ORMDL2: variants seen among roughly 807,000 people sequenced by gnomAD.
ORMDL2 encodes ORMDL sphingolipid biosynthesis regulator 2, also known as ORM1-like protein 2.
Under a neutral mutation model 13.5 loss-of-function variants are expected in ORMDL2, and 11 were observed. That is an observed-to-expected ratio of 0.82 (90% CI 0.51 to 1.35). The LOEUF is 1.35. Ranked by LOEUF, ORMDL2 falls within the 40% of genes most tolerant of loss-of-function variation. The pLI, the probability that ORMDL2 is intolerant of heterozygous loss-of-function variation, is 0.00. For missense variants in ORMDL2, 160 were observed against 191.1 expected (o/e 0.84, Z 0.96); for synonymous variants, 73 against 76.5 (o/e 0.95, Z 0.24).
rs769970940 is a variant in ORMDL2, at chr12:55,819,347, G to C, written c.180G>C (p.Thr60=). 3.7e-6 allele frequency: 6 copies of C among 1,613,586 alleles called. No individual in the cohort carries two copies. Among genetic ancestry groups the C allele is most frequent in the Non-Finnish European group, 5.1e-6 (6 of 1,179,800 alleles). ...GCCACCTTCCCTGTTCCCAGGCTAC[G>C]TATGTCTTCCTTCATACGGTGAAAG... The part of the protein sequence containing the change: ...TLTNVIHNLA[T]YVFLHTVKGT... Residue 60 remains threonine (T), a synonymous_variant, in exon 3 of 4, where the codon ACG becomes ACC. Coordinates refer to ENST00000243045, the MANE Select transcript of ORMDL2 (RefSeq NM_014182.5).
At position 55,819,077 on chromosome 12, in the gene ORMDL2, C is replaced by T. The variant is rs1880590241; in HGVS notation, c.78C>T (p.Tyr26=). 1 of 1,614,048 alleles carries T rather than the reference C, an allele frequency of 6.2e-7. No homozygotes were observed. The highest frequency in any genetic ancestry group is 8.5e-7 in the Non-Finnish European group (1 of 1,180,010). The part of the protein sequence containing the change: ...VMNSRGIWLA[Y]IILVGLLHMV... ...ATAGCCGAGGCATCTGGCTGGCCTA[C>T]ATCATCTTGGTAGGATTGCTGCATA... Residue 26 remains tyrosine (Y), a synonymous_variant, in exon 2 of 4, where the codon TAC becomes TAT. Coordinates refer to ENST00000243045, the MANE Select transcript of ORMDL2 (RefSeq NM_014182.5).
chr12:55,819,358 T>C lies in ORMDL2; in HGVS notation c.191T>C (p.Leu64Pro). Residue 64 changes from leucine (L) to proline (P), a missense_variant, in exon 3 of 4, where the codon CTT becomes CCT. Leu to Pro is a moderately conservative substitution (Grantham distance 98). Transcript: ENST00000243045. ...VIHNLATYVF[L>P]HTVKGTPFET... ...TGTTCCCAGGCTACGTATGTCTTCC[T>C]TCATACGGTGAAAGGGACACCCTTT... is the stretch of plus-strand genomic sequence containing the variant. 6.2e-7 allele frequency: 1 copy of C among 1,614,096 alleles called. No individual in the cohort carries two copies. The highest frequency in any genetic ancestry group is 8.5e-7 in the Non-Finnish European group (1 of 1,180,000).
chr12:55,819,483 C>G lies in ORMDL2; in HGVS notation c.316C>G (p.Pro106Ala), dbSNP rs759213683. The G allele has an allele frequency of 1.9e-6, 3 of 1,613,908 alleles. No homozygotes were observed. In the South Asian group the frequency reaches 3.3e-5, roughly 18 times the overall value. ...TTCCCGCAAGTTCCTCAGCATCTCT[C>G]CTATTGTGCTGTGAGTCTATGGGGG... is the stretch of plus-strand genomic sequence containing the variant. ...TSSRKFLSIS[P>A]IVLYLLASFY... The change falls in exon 3 of 4, where the codon CCT becomes GCT. Residue 106 changes from proline (P) to alanine (A), a missense_variant. Pro to Ala is a conservative substitution (Grantham distance 27, BLOSUM62 -1). Coordinates refer to ENST00000243045, the MANE Select transcript of ORMDL2 (RefSeq NM_014182.5).
At position 55,820,489 on chromosome 12, in the gene ORMDL2, A is replaced by G. The variant is rs569990100; in HGVS notation, c.*94A>G. 1.3e-4 allele frequency: 175 copies of G among 1,392,864 alleles called. 2 individuals are homozygous for G. The South Asian group carries it at 1.9e-3, about 15-fold the overall frequency. 86.3% of individuals were successfully genotyped at this position (1,392,864 alleles called of 1,614,324 possible). ...TCTCTTATTCTCCATACTGTCTTCTACACCTTTAAAGCCTGAGAACTATAC... is the reference window on the plus strand; with the variant it reads ...TCTCTTATTCTCCATACTGTCTTCTGCACCTTTAAAGCCTGAGAACTATAC... On this transcript the variant is annotated 3_prime_UTR_variant, in exon 4 of 4. Transcript: ENST00000243045.
At chr12:55,818,978 C>G in intron 1 of ORMDL2, 21 bp from the exon 2 acceptor site, 1 of 1,605,534 alleles carries the variant, frequency 6.2e-7, no homozygotes, top group Non-Finnish European at 8.5e-7. Context: ...GGACTCCTGC[C>G]TGATCCCCCA....
Position 55,820,375 on chromosome 12 carries a change from T to G in ORMDL2, c.442T>G (p.Phe148Val). Residue 148 changes from phenylalanine to valine, a missense_variant, in exon 4 of 4, where the codon TTT becomes GTT. Transcript: ENST00000243045. The stretch of plus-strand genomic sequence containing the variant: ...GCCCCAGTTCCATGGGGTTCGTGTC[T>G]TTGGCATCAACAAATACTGAGGGAT... ...KLPQFHGVRVFGINKY is the reference protein window; with the variant it reads ...KLPQFHGVRVVGINKY 1 of 1,614,224 alleles carries G rather than the reference T, an allele frequency of 6.2e-7. No homozygotes were observed. The highest frequency in any genetic ancestry group is 8.5e-7 in the Non-Finnish European group (1 of 1,180,036).
At chr12:55,818,136 G>T (rs746637911) in intron 1 of ORMDL2, 24 bp downstream of exon 1, 6 of 467,238 alleles carry the variant, frequency 1.3e-5, no homozygotes, top group African/African-American at 4.0e-5. Flanking sequence ...AGACTGTAAG[G>T]GTTGCTGAGG....
In ORMDL2 at chr12:55,819,322, G is replaced by A. The variant is rs777040902; in HGVS notation, c.175-20G>A. Reference sequence around the variant, plus strand: ...AAAACTACTTTCTGCCCCTCACACTGCCACCTTCCCTGTTCCCAGGCTACG... The same window carrying A: ...AAAACTACTTTCTGCCCCTCACACTACCACCTTCCCTGTTCCCAGGCTACG... On this transcript the variant is annotated intron_variant, in intron 2 of 3. Coordinates refer to ENST00000243045, the MANE Select transcript of ORMDL2 (RefSeq NM_014182.5). The A allele has an allele frequency of 3.7e-6, 6 of 1,607,144 alleles. No individual in the cohort carries two copies. The highest frequency in any genetic ancestry group is 5.1e-6 in the Non-Finnish European group (6 of 1,174,982).
rs775000634 is a variant in ORMDL2, at chr12:55,821,812, ACACCACTGCACTC to A, written c.*1420_*1432del. On this transcript the variant is annotated 3_prime_UTR_variant, in exon 4 of 4. Transcript: ENST00000243045. ...ACAGAGGTTGCAGTAAGCTGAGATCACACCACTGCACTCCAGCTGGGCAACAGAGCAAGACTCC... is the reference window on the plus strand; with the variant it reads ...ACAGAGGTTGCAGTAAGCTGAGATCACAGCTGGGCAACAGAGCAAGACTCC... 8 of 652,304 alleles carry A rather than the reference ACACCACTGCACTC, an allele frequency of 1.2e-5. No individual in the cohort carries two copies. Among genetic ancestry groups the A allele is most frequent in the Non-Finnish European group, 1.9e-5 (8 of 424,524 alleles). 40.4% of individuals were successfully genotyped at this position (652,304 alleles called of 1,614,324 possible). A position where few individuals can be genotyped will look rare whatever the true frequency, so the allele number is the denominator to read the frequency against.
Position 55,821,815 on chromosome 12 carries a change from C to T in ORMDL2, c.*1420C>T, listed in dbSNP as rs1435180819. On this transcript the variant is annotated 3_prime_UTR_variant, in exon 4 of 4. Coordinates refer to ENST00000243045, the MANE Select transcript of ORMDL2 (RefSeq NM_014182.5). The stretch of plus-strand genomic sequence containing the variant: ...GAGGTTGCAGTAAGCTGAGATCACA[C>T]CACTGCACTCCAGCTGGGCAACAGA... 1 of 702,430 alleles carries T rather than the reference C, an allele frequency of 1.4e-6. No individual in the cohort carries two copies. The highest frequency in any genetic ancestry group is 3.1e-5 in the East Asian group (1 of 32,366). 43.5% of individuals were successfully genotyped at this position (702,430 alleles called of 1,614,324 possible).
At chr12:55,819,740 A>G (rs1880616298) in intron 3 of ORMDL2, among the ~76,000 whole-genome samples, 1 of 152,232 alleles carries the variant, frequency 6.6e-6, no homozygotes, top group Non-Finnish European at 1.5e-5. Context: ...GATAAGTGCC[A>G]AATAAAACCA....
rs781344544 is a variant in ORMDL2 at position 55,820,423 on chromosome 12, G to C, written c.*28G>C. Reference sequence around the variant, plus strand: ...GATGGGTTTTGGGACAGCTCCATGGGCATGGGGAAGGCACTGAAACAGAGG... The same window carrying C: ...GATGGGTTTTGGGACAGCTCCATGGCCATGGGGAAGGCACTGAAACAGAGG... On this transcript the variant is annotated 3_prime_UTR_variant, in exon 4 of 4. Transcript: ENST00000243045. 5 of 1,612,798 alleles carry C rather than the reference G, an allele frequency of 3.1e-6. No homozygotes were observed. In the African/African-American group the frequency reaches 4.0e-5, roughly 13 times the overall value.
intron 3 of ORMDL2, 167 bp from the exon 4 acceptor site, chr12:55,820,093 A>G (rs1307983312): frequency 1.5e-6 from 1 of 651,610 alleles, no homozygotes; most frequent in Admixed American, 2.5e-5. Flanking sequence ...GCTATGGCAG[A>G]AGGATTGTTT....
At position 55,818,065 on chromosome 12, in the gene ORMDL2, T is replaced by C. The variant is rs937799369; in HGVS notation, c.-49T>C. ...CGTTACTTCCTGGAGACTTCAGGTG[T>C]GGTAGCCGGCGCCGCGCCCATAGCC... On this transcript the variant is annotated 5_prime_UTR_variant, in exon 1 of 4. Transcript: ENST00000243045. 55 of 534,286 alleles carry C rather than the reference T, an allele frequency of 1.0e-4. No homozygotes were observed. Among genetic ancestry groups the C allele is most frequent in the African/African-American group, 9.1e-4 (48 of 52,960 alleles). 33.1% of individuals were successfully genotyped at this position (534,286 alleles called of 1,614,324 possible). A position where few individuals can be genotyped will look rare whatever the true frequency, so the allele number is the denominator to read the frequency against.
Position 55,819,058 on chromosome 12 carries a change from G to T in ORMDL2, c.59G>T (p.Arg20Leu). ...VNPNTRVMNS[R>L]GIWLAYIILV... is the part of the protein sequence containing the mutation. ...CCCAACACCCGAGTGATGAATAGCC[G>T]AGGCATCTGGCTGGCCTACATCATC... Residue 20 changes from arginine (R) to leucine (L), a missense_variant, in exon 2 of 4, where the codon CGA becomes CTA. By Grantham distance (102) the Arg-to-Leu change is moderately radical. Transcript: ENST00000243045. 6.2e-7 allele frequency: 1 copy of T among 1,613,952 alleles called. No individual in the cohort carries two copies. Among genetic ancestry groups the T allele is most frequent in the South Asian group, 1.1e-5 (1 of 91,080 alleles).
In ORMDL2 at chr12:55,820,493, C is replaced by T. The variant is rs750572536; in HGVS notation, c.*98C>T. 2.9e-6 allele frequency: 4 copies of T among 1,364,924 alleles called. No homozygotes were observed. The highest frequency in any genetic ancestry group is 3.1e-6 in the Non-Finnish European group (3 of 954,362). The allele number at this position is 1,364,924 out of a possible 1,614,324, so 84.6% of individuals were successfully genotyped here. On this transcript the variant is annotated 3_prime_UTR_variant, in exon 4 of 4. Transcript: ENST00000243045. ...TTATTCTCCATACTGTCTTCTACAC[C>T]TTTAAAGCCTGAGAACTATACAACC...
chr12:55,819,222 A>G lies in ORMDL2; in HGVS notation c.174+49A>G, dbSNP rs1420805545. 1.9e-6 allele frequency: 3 copies of G among 1,594,064 alleles called. No individual in the cohort carries two copies. The Admixed American group carries it at 5.1e-5, about 27-fold the overall frequency. On this transcript the variant is annotated intron_variant, in intron 2 of 3. Coordinates refer to ENST00000243045, the MANE Select transcript of ORMDL2 (RefSeq NM_014182.5). ...TACCCACCCCAGGGTTTCCCAACCA[A>G]AAGCAAAATAAAATCACCAATTGTT... is the stretch of plus-strand genomic sequence containing the variant.
Sources: allele counts gnomAD v4.1 joint callset (sites outside exome capture counted in the v4.1 genomes callset), GRCh38; gene constraint gnomAD v4.1.1; transcripts MANE v1.5; gene names NCBI Gene and HGNC (gene_info 2026-07-23, HGNC 2026-07-21).